SND1: variants seen among roughly 807,000 people sequenced by gnomAD.
The protein encoded by SND1 is staphylococcal nuclease and tudor domain containing 1.
Under a neutral mutation model 121.7 loss-of-function variants are expected in SND1, and 38 were observed. That is an observed-to-expected ratio of 0.31 (90% CI 0.24 to 0.41). The LOEUF is 0.41. Ranked by LOEUF, SND1 falls within the 10% of genes least tolerant of loss-of-function variation. SND1 has a pLI of 1.00. For synonymous variants in SND1, 401 were observed against 447.4 expected (o/e 0.90, Z 1.31); for missense variants, 868 against 1,184.6 (o/e 0.73, Z 3.92).
chr7:128,000,821 T>C (rs1334648196), intron 16 of SND1, among the ~76,000 whole-genome samples: 1 of 152,194 alleles, frequency 6.6e-6, no homozygotes, highest in Non-Finnish European at 1.5e-5. Context: ...CAGCTCTTAA[T>C]GTATAATAGC....
At chr7:127,981,221 A>C (rs376981200) in intron 15 of SND1, among the ~76,000 whole-genome samples, 1 of 152,086 alleles carries the variant, frequency 6.6e-6, no homozygotes, top group South Asian at 2.1e-4. Flanking sequence ...TGAATTTGTT[A>C]ATGAAGGTAT....
intron 14 of SND1, among the ~76,000 whole-genome samples, chr7:127,912,363 T>G (rs1208148403): frequency 1.3e-5 from 2 of 152,192 alleles, no homozygotes; most frequent in Admixed American, 1.3e-4. Context: ...GTTGTGTTGT[T>G]TTTGGAGGGC....
At chr7:128,037,162 T>C (rs948312207) in intron 16 of SND1, among the ~76,000 whole-genome samples, 2 of 152,228 alleles carry the variant, frequency 1.3e-5, no homozygotes, top group Non-Finnish European at 2.9e-5. Flanking sequence ...CTCTCACAGT[T>C]CTGGAGGCTA....
At chr7:127,989,390 T>C (rs1802469066) in intron 15 of SND1, among the ~76,000 whole-genome samples, 1 of 152,254 alleles carries the variant, frequency 6.6e-6, no homozygotes, top group Non-Finnish European at 1.5e-5. Context: ...TTCTTTATCT[T>C]CTGAAAGCCC....
intron 12 of SND1, among the ~76,000 whole-genome samples, chr7:127,869,733 C>T (rs967976183): frequency 6.6e-6 from 1 of 152,136 alleles, no homozygotes; most frequent in African/African-American, 2.4e-5. Flanking sequence ...ATTTTATCAA[C>T]TGTCGATTCA....
intron 17 of SND1, among the ~76,000 whole-genome samples, chr7:128,077,479 T>C (rs1377061482): frequency 6.6e-6 from 1 of 152,168 alleles, no homozygotes. Context: ...AGACAGGAAC[T>C]TGCATGGCAG....
intron 10 of SND1, among the ~76,000 whole-genome samples, chr7:127,802,894 G>A (rs1174971187): frequency 6.6e-6 from 1 of 151,936 alleles, no homozygotes; most frequent in Non-Finnish European, 1.5e-5. Context: ...CATTCCTAAC[G>A]TTCCATCCGT....
intron 1 of SND1, among the ~76,000 whole-genome samples, chr7:127,668,050 A>G (rs1467140274): frequency 6.6e-6 from 1 of 152,224 alleles, no homozygotes; most frequent in African/African-American, 2.4e-5. Flanking sequence ...GAAACAAAAG[A>G]AAAAGGCAGA....
rs1021191112 is a variant in SND1, at chr7:127,959,327, A to G, written c.1669+29998A>G. On this transcript the variant is annotated intron_variant, in intron 15 of 23. Coordinates refer to ENST00000354725, the MANE Select transcript of SND1 (RefSeq NM_014390.4). ...GGCAGACTGCATTGCAGTCATTTTT[A>G]TATACACATTCCTACACATGTAGCT... 3.3e-5 allele frequency among the ~76,000 whole-genome samples: 5 copies of G among 152,296 alleles called. No homozygotes were observed. The East Asian group carries it at 5.8e-4, about 18-fold the overall frequency.
At chr7:127,866,048 C>T (rs1229120359) in intron 12 of SND1, among the ~76,000 whole-genome samples, 2 of 152,080 alleles carry the variant, frequency 1.3e-5, no homozygotes, top group Admixed American at 6.6e-5. Flanking sequence ...CCAAGAATCA[C>T]CTGTGTAGTT....
At chr7:128,078,683 C>T (rs952829154) in intron 17 of SND1, among the ~76,000 whole-genome samples, 6 of 152,250 alleles carry the variant, frequency 3.9e-5, no homozygotes, top group African/African-American at 1.4e-4. Context: ...ACCCAAGGCA[C>T]TTTTACTTGA....
intron 15 of SND1, among the ~76,000 whole-genome samples, chr7:127,954,081 A>T (rs2116859557): frequency 6.6e-6 from 1 of 152,314 alleles, no homozygotes; most frequent in South Asian, 2.1e-4. Flanking sequence ...CTGCTGATTG[A>T]TGCGGACTGG....
rs978965594 is a variant in SND1 at position 128,092,195 on chromosome 7, G to A, written c.*137G>A. Reference sequence around the variant, plus strand: ...TTGCTTCAGTGTGTGGAAATGTCTCGTGGGGTGGCATCGGGGCTGCGGGGT... The same window carrying A: ...TTGCTTCAGTGTGTGGAAATGTCTCATGGGGTGGCATCGGGGCTGCGGGGT... On this transcript the variant is annotated 3_prime_UTR_variant, in exon 24 of 24. Coordinates refer to ENST00000354725, the MANE Select transcript of SND1 (RefSeq NM_014390.4). The surrounding 1 kb of genome is among the most constrained non-coding windows in gnomAD (Gnocchi z 4.9). 7.6e-5 allele frequency: 72 copies of A among 944,104 alleles called. No homozygotes were observed. In the Admixed American group the frequency reaches 1.4e-3, roughly 18 times the overall value. The allele number at this position is 944,104 out of a possible 1,614,324, so 58.5% of individuals were successfully genotyped here.
chr7:127,978,244 G>C (rs1286826651), intron 15 of SND1, among the ~76,000 whole-genome samples: 1 of 152,076 alleles, frequency 6.6e-6, no homozygotes. Flanking sequence ...AAGGAAGAAA[G>C]GATCTCACTA....
chr7:127,684,870 G>A (rs1299816578), intron 1 of SND1, among the ~76,000 whole-genome samples: 1 of 151,818 alleles, frequency 6.6e-6, no homozygotes, highest in Non-Finnish European at 1.5e-5. Flanking sequence ...CATTATCAGA[G>A]TACTAATTTA....
Position 128,078,831 on chromosome 7 carries a change from A to C in SND1, c.1969-2529A>C, listed in dbSNP as rs538624737. ...TCAACAGCTTGCAGGCTCAGGGGCC[A>C]TGGCCCACTCAGGAACCAGCACAGA... is the stretch of plus-strand genomic sequence containing the variant. On this transcript the variant is annotated intron_variant, in intron 17 of 23. Transcript: ENST00000354725. Among the ~76,000 whole-genome samples, 199 of 152,356 alleles carry C rather than the reference A, an allele frequency of 1.3e-3. 6 individuals are homozygous for C. The South Asian group carries it at 0.039, about 30-fold the overall frequency.
intron 11 of SND1, among the ~76,000 whole-genome samples, chr7:127,835,292 A>G (rs1216611134): frequency 2.0e-5 from 3 of 152,218 alleles, no homozygotes; most frequent in African/African-American, 7.2e-5. Context: ...ACATAAAGGC[A>G]GAAGTATCTC....
At chr7:127,863,053 C>T (rs371912116) in intron 12 of SND1, among the ~76,000 whole-genome samples, 2 of 152,224 alleles carry the variant, frequency 1.3e-5, no homozygotes, top group East Asian at 3.8e-4. Context: ...CCACCTCCCT[C>T]ATTTTGCAAA....
chr7:128,067,543 C>A (rs1179080269), intron 16 of SND1, among the ~76,000 whole-genome samples: 1 of 152,150 alleles, frequency 6.6e-6, no homozygotes, highest in Non-Finnish European at 1.5e-5. Context: ...AGGGCAGTGG[C>A]GCCCTGTGCT....
Sources: allele counts gnomAD v4.1 joint callset (sites outside exome capture counted in the v4.1 genomes callset), GRCh38; gene constraint gnomAD v4.1.1; non-coding constraint Gnocchi (gnomAD v3.1); transcripts MANE v1.5; gene names NCBI Gene and HGNC (gene_info 2026-07-23, HGNC 2026-07-21).